The following PES1 variants were observed in gnomAD, a reference collection of about 807,000 sequenced individuals.
PES1 encodes pescadillo ribosomal biogenesis factor 1.
A neutral mutation model predicts 77.1 loss-of-function variants in PES1; 31 were observed. The ratio of observed to expected loss-of-function variants is 0.40; its 90% CI spans 0.30 to 0.54. PES1 has a LOEUF of 0.54. Ranked by LOEUF, PES1 falls within the 20% of genes least tolerant of loss-of-function variation. The pLI, the probability that PES1 is intolerant of heterozygous loss-of-function variation, is 0.45. For missense variants in PES1, 658 were observed against 771.7 expected, an observed-to-expected ratio of 0.85 and a Z score of 1.75; for synonymous variants, 282 against 303.0, an observed-to-expected ratio of 0.93 and a Z score of 0.72.
At position 30,581,114 on chromosome 22, in the gene PES1, AG is replaced by A; in HGVS notation, c.823-14del. On this transcript the variant is annotated splice_polypyrimidine_tract_variant and intron_variant, in intron 8 of 14. Coordinates refer to ENST00000354694, the MANE Select transcript of PES1 (RefSeq NM_014303.4). The stretch of plus-strand genomic sequence containing the variant: ...GGGCTGCCAGTTTCTACAGGAGAGA[AG>A]GGGGCTGCTTGCAGTGGGGGACCTC... 6.3e-7 allele frequency: 1 copy of A among 1,596,656 alleles called. No homozygotes were observed. Among genetic ancestry groups the A allele is most frequent in the Non-Finnish European group, 8.5e-7 (1 of 1,170,746 alleles).
intron 2 of PES1, among the ~76,000 whole-genome samples, chr22:30,601,316 C>T (rs536762837): frequency 1.3e-5 from 2 of 152,046 alleles, no homozygotes; most frequent in South Asian, 2.1e-4. Flanking sequence ...ATTATTTGAT[C>T]TAATTTTTTT....
At chr22:30,586,745 C>T (rs764649611) in intron 4 of PES1, among the ~76,000 whole-genome samples, 16 of 152,126 alleles carry the variant, frequency 1.1e-4, no homozygotes, top group Non-Finnish European at 2.1e-4. Context: ...GGGTAGATCA[C>T]GTGAGGTCAG....
upstream of PES1, among the ~76,000 whole-genome samples, chr22:30,596,339 AGT>A (rs112899417): frequency 4.7e-5 from 7 of 149,632 alleles, no homozygotes; most frequent in Non-Finnish European, 7.4e-5. Flanking sequence ...TGTTTTTTCA[AGT>A]GTGTGTGTGT....
At chr22:30,587,568 C>T (rs567351782) in intron 3 of PES1, among the ~76,000 whole-genome samples, 173 bp from the exon 4 acceptor site, 1 of 152,298 alleles carries the variant, frequency 6.6e-6, no homozygotes, top group East Asian at 1.9e-4. Context: ...GAGCCAACTC[C>T]AAGGAGCACC....
intron 1 of PES1, among the ~76,000 whole-genome samples, chr22:30,590,788 C>G: frequency 6.6e-6 from 1 of 152,100 alleles, no homozygotes; most frequent in East Asian, 1.9e-4. Context: ...CAAGACAATC[C>G]TTCCCACAAC....
At chr22:30,579,372 C>G in intron 12 of PES1, 69 bp from the exon 13 acceptor site, 1 of 1,595,278 alleles carries the variant, frequency 6.3e-7, no homozygotes, top group Non-Finnish European at 8.5e-7. Flanking sequence ...GACAACAGGC[C>G]CAGGCCCCAT....
rs190654274 is a variant in PES1, at chr22:30,583,444, C to T, written c.630+921G>A. Among the ~76,000 whole-genome samples the T allele has an allele frequency of 1.8e-4, 28 of 152,346 alleles. No individual in the cohort carries two copies. The East Asian group carries it at 3.5e-3, about 19-fold the overall frequency. ...GCCACTGTGCTAACTGGACCGGCAGCGGCTGCTCTCCGCTGAAGGCACCAG... is the reference window on the plus strand; with the variant it reads ...GCCACTGTGCTAACTGGACCGGCAGTGGCTGCTCTCCGCTGAAGGCACCAG... On this transcript the variant is annotated intron_variant, in intron 6 of 14. Coordinates refer to ENST00000354694, the MANE Select transcript of PES1 (RefSeq NM_014303.4).
At chr22:30,597,902 G>A (rs1465573642) in intron 2 of PES1, among the ~76,000 whole-genome samples, 2 of 68,476 alleles carry the variant, frequency 2.9e-5, no homozygotes, top group African/African-American at 6.2e-5. Flanking sequence ...TTTTTGTTTT[G>A]AGTCGGAGTC....
Position 30,584,641 on chromosome 22 carries a change from G to C in PES1, c.445C>G (p.Arg149Gly). Residue 149 changes from arginine (R) to glycine (G), a missense_variant, in exon 5 of 15, where the codon CGG becomes GGG. By Grantham distance (125) the Arg-to-Gly change is moderately radical. Transcript: ENST00000354694. Reference sequence around the variant, plus strand: ...GTCTGCACGTGGCACTTGCCAGTCCGCGGGAAGGTGGAAAACAGGAAGCAC... The same window carrying C: ...GTCTGCACGTGGCACTTGCCAGTCCCCGGGAAGGTGGAAAACAGGAAGCAC... ...SMCFLFSTFP[R>G]TGKCHVQTIQ... 6.2e-7 allele frequency: 1 copy of C among 1,613,972 alleles called. No homozygotes were observed.
chr22:30,594,683 A>C (rs914982109), upstream of PES1, among the ~76,000 whole-genome samples: 477 of 152,022 alleles, frequency 3.1e-3, 3 homozygotes, highest in African/African-American at 0.01. Context: ...AAAAAAAAAA[A>C]ACACAGCCAG....
Position 30,580,774 on chromosome 22 carries a change from A to G in PES1, c.913-73T>C, listed in dbSNP as rs1167394848. ...CACTGGAGGGCCAGGGCTGGAGATAACGTCCACTCCAGCTTCCTTCTAGAT... is the reference window on the plus strand; with the variant it reads ...CACTGGAGGGCCAGGGCTGGAGATAGCGTCCACTCCAGCTTCCTTCTAGAT... On this transcript the variant is annotated intron_variant, in intron 9 of 14. Coordinates refer to ENST00000354694, the MANE Select transcript of PES1 (RefSeq NM_014303.4). 3.1e-6 allele frequency: 5 copies of G among 1,597,670 alleles called. No homozygotes were observed. In the African/African-American group the frequency reaches 6.7e-5, roughly 21 times the overall value.
chr22:30,603,049 T>G (rs979214760), intron 2 of PES1, among the ~76,000 whole-genome samples: 3 of 151,512 alleles, frequency 2.0e-5, no homozygotes, highest in East Asian at 2.0e-4. Context: ...TAGCTGGGAC[T>G]ACAGGAGCCC....
chr22:30,603,539 G>C (rs1190860001), intron 2 of PES1, among the ~76,000 whole-genome samples: 1 of 151,742 alleles, frequency 6.6e-6, no homozygotes, highest in Non-Finnish European at 1.5e-5. Context: ...ATGCCACCAT[G>C]CCCGGCTAAT....
intron 5 of PES1, 45 bp downstream of exon 5, chr22:30,584,501 G>A: frequency 1.9e-6 from 3 of 1,609,338 alleles, no homozygotes; most frequent in African/African-American, 1.3e-5. Flanking sequence ...GGGGTGGCAG[G>A]AGAGGGGGCA....
chr22:30,594,668 T>TAA (rs34230525), upstream of PES1, among the ~76,000 whole-genome samples: 63 of 138,786 alleles, frequency 4.5e-4, no homozygotes, highest in African/African-American at 1.0e-3. Context: ...TGCCCCGCCT[T>TAA]AAAAAAAAAA....
intron 6 of PES1, 117 bp downstream of exon 6, chr22:30,584,248 A>G (rs1022456123): frequency 2.0e-5 from 16 of 793,288 alleles, no homozygotes; most frequent in African/African-American, 1.2e-4. Flanking sequence ...ACCCCTCATC[A>G]ACAGTTGGGA....
At chr22:30,588,769 T>C (rs2087132089) in intron 2 of PES1, among the ~76,000 whole-genome samples, 1 of 142,086 alleles carries the variant, frequency 7.0e-6, no homozygotes, top group South Asian at 2.2e-4. Flanking sequence ...GCCAACAGAG[T>C]GAGACTCTGT....
intron 6 of PES1, among the ~76,000 whole-genome samples, chr22:30,582,318 A>G (rs1456728120): frequency 6.6e-6 from 1 of 152,224 alleles, no homozygotes; most frequent in Admixed American, 6.5e-5. Flanking sequence ...AGCCAGGTCC[A>G]GAGGCATGAC....
intron 2 of PES1, among the ~76,000 whole-genome samples, chr22:30,602,460 G>A: frequency 8.5e-6 from 1 of 117,314 alleles, no homozygotes; most frequent in Admixed American, 9.2e-5. Flanking sequence ...TGACACAAGA[G>A]TTCCACCCGC....
Sources: gnomAD v4.1 joint callset for allele counts (sites outside exome capture counted in the v4.1 genomes callset) on GRCh38, gnomAD v4.1.1 for gene constraint, MANE v1.5 for transcripts, NCBI Gene and HGNC (gene_info 2026-07-23, HGNC 2026-07-21) for gene names.